FRMD6: variants seen among roughly 807,000 people sequenced by gnomAD.
The protein encoded by FRMD6 is FERM domain-containing protein 6.
Under a neutral mutation model 73.2 loss-of-function variants are expected in FRMD6, and 37 were observed. The observed-to-expected ratio is 0.51, with a 90% confidence interval of 0.39 to 0.66. FRMD6 has a LOEUF of 0.66. FRMD6 is among the 30% of genes least tolerant of loss of function. The probability of loss-of-function intolerance (pLI) is 0.00; values close to 1 mark genes in which losing one functional copy is unlikely to be tolerated. For synonymous variants in FRMD6, 273 were observed against 282.2 expected, an observed-to-expected ratio of 0.97 and a Z score of 0.33; for missense variants, 714 against 780.5, an observed-to-expected ratio of 0.91 and a Z score of 1.02.
chr14:51,513,138 A>G (rs1479409609), intron 1 of FRMD6, among the ~76,000 whole-genome samples: 1 of 152,174 alleles, frequency 6.6e-6, no homozygotes, highest in African/African-American at 2.4e-5. Flanking sequence ...CATCTACATC[A>G]GAATCACAGG....
chr14:51,589,077 A>T (rs1467831197), intron 2 of FRMD6, among the ~76,000 whole-genome samples: 2 of 152,356 alleles, frequency 1.3e-5, no homozygotes, highest in East Asian at 3.9e-4. Flanking sequence ...TGGAGAGCTG[A>T]AAAATGACAA....
intron 1 of FRMD6, among the ~76,000 whole-genome samples, chr14:51,532,814 C>A (rs1262454864): frequency 2.0e-5 from 3 of 152,176 alleles, no homozygotes; most frequent in African/African-American, 7.2e-5. Flanking sequence ...ACAAACTGAC[C>A]TTCTCAACAG....
the FRMD6 span, among the ~76,000 whole-genome samples, chr14:51,482,701 TTTTG>T: frequency 1.3e-4 from 20 of 152,002 alleles, no homozygotes; most frequent in South Asian, 1.7e-3. Flanking sequence ...TGTATTTGGT[TTTTG>T]TTTGTTTGTT....
chr14:51,705,008 C>T (rs45606231), intron 6 of FRMD6, 73 bp downstream of exon 6: 51,759 of 1,342,748 alleles, frequency 0.039, 1,794 homozygotes, highest in East Asian at 0.2. Flanking sequence ...GCTACTCATA[C>T]TCTTTAAGAA....
chr14:51,437,428 G>A, the FRMD6 span, among the ~76,000 whole-genome samples: 6 of 152,188 alleles, frequency 3.9e-5, no homozygotes, highest in East Asian at 1.2e-3. Context: ...TCAGCCTCCC[G>A]AGTAGCTGGG....
chr14:51,627,392 C>G (rs1891158741), intron 2 of FRMD6, among the ~76,000 whole-genome samples: 1 of 152,058 alleles, frequency 6.6e-6, no homozygotes, highest in Non-Finnish European at 1.5e-5. Flanking sequence ...TAAGGTTTTC[C>G]TTGGCTTGAA....
chr14:51,556,703 G>A (rs1596592852), intron 1 of FRMD6, among the ~76,000 whole-genome samples: 2 of 152,106 alleles, frequency 1.3e-5, no homozygotes, highest in Admixed American at 6.6e-5. Context: ...GTTTTTAGGA[G>A]GATTAATGTA....
chr14:51,471,578 A>G, the FRMD6 span, among the ~76,000 whole-genome samples: 2 of 152,108 alleles, frequency 1.3e-5, no homozygotes, highest in African/African-American at 2.4e-5. Flanking sequence ...TGCTGTTTTT[A>G]AAGAAACATT....
chr14:51,635,834 G>A (rs1891531004), intron 2 of FRMD6, among the ~76,000 whole-genome samples: 1 of 152,204 alleles, frequency 6.6e-6, no homozygotes. Flanking sequence ...ACTCAGTAAA[G>A]CAGCTATAAT....
Position 51,720,375 on chromosome 14 carries a change from G to A in FRMD6, c.1345G>A (p.Asp449Asn), listed in dbSNP as rs201292888. 28 of 1,613,338 alleles carry A rather than the reference G, an allele frequency of 1.7e-5. No individual in the cohort carries two copies. Among genetic ancestry groups the A allele is most frequent in the Non-Finnish European group, 5.9e-6 (7 of 1,180,032 alleles). Residue 449 changes from aspartate to asparagine, a missense_variant, in exon 11 of 14, where the codon GAC (aspartate) becomes AAC (asparagine). Transcript: ENST00000344768. Reference sequence around the variant, plus strand: ...TGGCGGCAAAGACCGGCTGGAAGAGGACTTACAGGACGATGGTAACAGTAC... The same window carrying A: ...TGGCGGCAAAGACCGGCTGGAAGAGAACTTACAGGACGATGGTAACAGTAC... ...ESGGKDRLEEDLQDDEIEMLV... is the reference protein window; with the variant it reads ...ESGGKDRLEENLQDDEIEMLV...
the FRMD6 span, among the ~76,000 whole-genome samples, chr14:51,469,331 T>A: frequency 6.2e-4 from 94 of 150,652 alleles, no homozygotes; most frequent in Non-Finnish European, 8.6e-4. Context: ...TGCTTTGTCA[T>A]GGCTGGGCCC....
intron 2 of FRMD6, among the ~76,000 whole-genome samples, chr14:51,585,939 G>GTATATATATATATATATATATATA (rs3060587): frequency 1.6e-4 from 5 of 31,350 alleles, no homozygotes; most frequent in African/African-American, 2.7e-4. Flanking sequence ...GTGTGTGTGT[G>GTATATATATATATATATATATATA]TATATATATA....
chr14:51,467,201 T>G, the FRMD6 span, among the ~76,000 whole-genome samples: 1 of 149,750 alleles, frequency 6.7e-6, no homozygotes, highest in South Asian at 2.2e-4. Flanking sequence ...AGCATCTGTT[T>G]AACAAAGCAC....
the FRMD6 span, among the ~76,000 whole-genome samples, chr14:51,470,377 G>A: frequency 5.9e-4 from 90 of 152,140 alleles, no homozygotes; most frequent in Middle Eastern, 3.4e-3. Flanking sequence ...ATTAGCTGGC[G>A]CAGTGGCAGC....
the FRMD6 span, among the ~76,000 whole-genome samples, chr14:51,469,761 T>G: frequency 7.9e-5 from 12 of 152,180 alleles, no homozygotes; most frequent in African/African-American, 2.9e-4. Flanking sequence ...TTTGTCAGAT[T>G]TTGGTATTAG....
chr14:51,558,029 C>T lies in FRMD6; in HGVS notation c.-209-12319C>T, dbSNP rs112872000. 4.3e-3 allele frequency among the ~76,000 whole-genome samples: 647 copies of T among 151,188 alleles called. 5 individuals carry two copies. Among genetic ancestry groups the T allele is most frequent in the African/African-American group, 0.014 (593 of 41,210 alleles). ...TTATTTGAAGTTTTCATGAAGATAC[C>T]GAAAGATACAAAGATGATTTTTTGT... On this transcript the variant is annotated intron_variant, in intron 1 of 14. Transcript: ENST00000356218.
At chr14:51,533,973 A>G (rs1173173164) in intron 1 of FRMD6, among the ~76,000 whole-genome samples, 3 of 152,192 alleles carry the variant, frequency 2.0e-5, no homozygotes, top group Non-Finnish European at 4.4e-5. Context: ...TCTTTTGGGG[A>G]ACAGCAGAAT....
chr14:51,598,053 C>T (rs1309915110), intron 2 of FRMD6, among the ~76,000 whole-genome samples: 1 of 152,206 alleles, frequency 6.6e-6, no homozygotes, highest in East Asian at 1.9e-4. Context: ...TCCCTGATTT[C>T]TCCCCAGTGG....
the FRMD6 span, among the ~76,000 whole-genome samples, chr14:51,410,012 A>G: frequency 6.6e-6 from 1 of 152,232 alleles, no homozygotes; most frequent in Non-Finnish European, 1.5e-5. Flanking sequence ...GGGATGGAAG[A>G]AGAGAGAATT....
Sources: allele counts gnomAD v4.1 joint callset (sites outside exome capture counted in the v4.1 genomes callset), GRCh38; gene constraint gnomAD v4.1.1; transcripts MANE v1.5; gene names NCBI Gene and HGNC (gene_info 2026-07-23, HGNC 2026-07-21).